EYS: variants seen among roughly 807,000 people sequenced by gnomAD.
EYS encodes the protein EGF-like photoreceptor maintenance factor, also known as protein eyes shut homolog.
A neutral mutation model predicts 282.1 loss-of-function variants in EYS; 250 were observed. The ratio of observed to expected loss-of-function variants is 0.89; its 90% CI spans 0.80 to 0.98. The LOEUF (loss-of-function observed/expected upper bound fraction) is 0.98. Among genes scored for constraint, EYS ranks in the 50% least tolerant of loss-of-function variants. The pLI is 0.00. For synonymous variants in EYS, 1,355 were observed against 1,282.9 expected (o/e 1.06, Z -1.20); for missense variants, 4,016 against 3,709.0 (o/e 1.08, Z -2.15).
intron 37 of EYS, among the ~76,000 whole-genome samples, chr6:63,803,467 A>C (rs1015461594): frequency 1.3e-5 from 2 of 152,178 alleles, no homozygotes; most frequent in Admixed American, 1.3e-4. Context: ...AGAACTTTGC[A>C]GCCAGCCAAA....
At chr6:64,407,605 A>G (rs1561977993) in intron 28 of EYS, among the ~76,000 whole-genome samples, 2 of 152,178 alleles carry the variant, frequency 1.3e-5, no homozygotes, top group South Asian at 4.1e-4. Context: ...TCAGTACTAT[A>G]CAAATATAAA....
At chr6:64,852,434 G>T (rs1297097877) in intron 19 of EYS, among the ~76,000 whole-genome samples, 1 of 152,094 alleles carries the variant, frequency 6.6e-6, no homozygotes, top group African/African-American at 2.4e-5. Context: ...AGGTTCTTCA[G>T]CTTTGGGACT....
chr6:64,662,239 G>C (rs1440397937), intron 22 of EYS, among the ~76,000 whole-genome samples: 6 of 114,360 alleles, frequency 5.2e-5, no homozygotes, highest in Non-Finnish European at 8.7e-5. Flanking sequence ...GTTGTGGGGT[G>C]GGGGGAGGGG....
chr6:64,333,141 T>C (rs1000873382), intron 29 of EYS, among the ~76,000 whole-genome samples: 1 of 151,570 alleles, frequency 6.6e-6, no homozygotes, highest in Non-Finnish European at 1.5e-5. Flanking sequence ...CAGTCTGTGA[T>C]CCTGGAAACA....
chr6:64,781,448 A>G (rs1773856741), intron 22 of EYS, among the ~76,000 whole-genome samples: 1 of 152,048 alleles, frequency 6.6e-6, no homozygotes, highest in Admixed American at 6.5e-5. Context: ...GCGGTGGCTC[A>G]CGCCTGTAAT....
At position 64,686,819 on chromosome 6, in the gene EYS, ATGTG is replaced by A. The variant is rs1469325598; in HGVS notation, c.3444-60578_3444-60575del. Among the ~76,000 whole-genome samples, 21 of 45,070 alleles carry A rather than the reference ATGTG, an allele frequency of 4.7e-4. 2 individuals are homozygous for A. Among genetic ancestry groups the A allele is most frequent in the African/African-American group, 1.5e-3 (21 of 14,134 alleles). 29.6% of individuals were successfully genotyped at this position (45,070 alleles called of 152,430 possible). A position where few individuals can be genotyped will look rare whatever the true frequency, so the allele number is the denominator to read the frequency against. On this transcript the variant is annotated intron_variant, in intron 22 of 42. Transcript: ENST00000503581. ...TATATATATATGTGTGTATATATATATGTGTATATATATATATACGTGTATATAT... is the reference window on the plus strand; with the variant it reads ...TATATATATATGTGTGTATATATATATATATATATATATACGTGTATATAT...
intron 8 of EYS, among the ~76,000 whole-genome samples, chr6:65,378,807 T>A (rs576304400): frequency 6.6e-6 from 1 of 152,160 alleles, no homozygotes; most frequent in African/African-American, 2.4e-5. Flanking sequence ...CACCACATGT[T>A]CTCACTCATA....
chr6:65,222,812 A>C (rs1054461954), intron 12 of EYS, among the ~76,000 whole-genome samples: 1 of 152,184 alleles, frequency 6.6e-6, no homozygotes, highest in Non-Finnish European at 1.5e-5. Flanking sequence ...TGGATTTGTC[A>C]GGAACGAGAA....
intron 22 of EYS, among the ~76,000 whole-genome samples, chr6:64,757,742 C>G (rs974412549): frequency 8.3e-3 from 529 of 63,848 alleles, no homozygotes; most frequent in Middle Eastern, 0.016. Context: ...TTCTTTTTTT[C>G]TTTGTGTGTG....
Position 64,545,281 on chromosome 6 carries a change from C to G in EYS, c.5644+44942G>C, listed in dbSNP as rs544564363. ...CCAACGACAAAAACCATACGATTAT[C>G]TCAATAGATGCAGAAAAGGCCTTTG... On this transcript the variant is annotated intron_variant, in intron 26 of 42. Transcript: ENST00000503581. Among the ~76,000 whole-genome samples the G allele has an allele frequency of 4.6e-5, 7 of 152,278 alleles. No individual in the cohort carries two copies. In the East Asian group the frequency reaches 1.4e-3, roughly 29 times the overall value.
chr6:64,757,866 G>A (rs1365859359), intron 22 of EYS, among the ~76,000 whole-genome samples: 4 of 151,554 alleles, frequency 2.6e-5, no homozygotes, highest in Non-Finnish European at 2.9e-5. Context: ...CTCACTGCAA[G>A]CTTCGCCTCC....
chr6:64,948,473 T>G (rs1208640273), intron 14 of EYS, among the ~76,000 whole-genome samples: 12 of 146,968 alleles, frequency 8.2e-5, no homozygotes, highest in Non-Finnish European at 1.4e-4. Flanking sequence ...AAATATTAAA[T>G]ATTAATAACT....
chr6:65,502,813 T>C (rs930716431), intron 2 of EYS, among the ~76,000 whole-genome samples: 5 of 151,614 alleles, frequency 3.3e-5, no homozygotes, highest in African/African-American at 1.2e-4. Flanking sequence ...TAATATGTAC[T>C]GGGGAGAAAG....
At chr6:65,696,865 G>C (rs6916913) in intron 1 of EYS, among the ~76,000 whole-genome samples, 1 of 151,922 alleles carries the variant, frequency 6.6e-6, no homozygotes, top group Admixed American at 6.6e-5. Context: ...AGTACTTAGA[G>C]TGTAGAATTC....
chr6:64,623,372 GCTTT>G (rs1295234940), intron 23 of EYS, among the ~76,000 whole-genome samples: 1 of 152,076 alleles, frequency 6.6e-6, no homozygotes, highest in Non-Finnish European at 1.5e-5. Flanking sequence ...GTGAATCTTA[GCTTT>G]GCCACTAACA....
chr6:65,244,429 C>G (rs1767128343), intron 12 of EYS, among the ~76,000 whole-genome samples: 1 of 152,090 alleles, frequency 6.6e-6, no homozygotes, highest in African/African-American at 2.4e-5. Context: ...TCCTATTGTT[C>G]TCTTATTCAA....
Position 64,239,756 on chromosome 6 carries a change from T to C in EYS, c.6192-8932A>G, listed in dbSNP as rs1766735318. 2.0e-5 allele frequency among the ~76,000 whole-genome samples: 3 copies of C among 152,190 alleles called. No homozygotes were observed. In the South Asian group the frequency reaches 6.2e-4, roughly 31 times the overall value. ...TTTGCTGTGCTGAAGCTCTTTAGTT[T>C]AATCAAATCCTGTTTGTCTATTTTA... is the stretch of plus-strand genomic sequence containing the variant. On this transcript the variant is annotated intron_variant, in intron 30 of 42. Coordinates refer to ENST00000503581, the MANE Select transcript of EYS (RefSeq NM_001142800.2).
At chr6:65,036,639 C>T (rs1298568545) in intron 13 of EYS, among the ~76,000 whole-genome samples, 2 of 150,526 alleles carry the variant, frequency 1.3e-5, no homozygotes, top group Non-Finnish European at 3.0e-5. Context: ...CAAAAAAACA[C>T]CATTGAAAAA....
chr6:65,481,459 T>C (rs748187756), intron 5 of EYS, among the ~76,000 whole-genome samples: 2 of 152,202 alleles, frequency 1.3e-5, no homozygotes, highest in Non-Finnish European at 2.9e-5. Flanking sequence ...GATCTCATAA[T>C]TATCAATAAT....
Sources: allele counts gnomAD v4.1 joint callset (sites outside exome capture counted in the v4.1 genomes callset), GRCh38; gene constraint gnomAD v4.1.1; transcripts MANE v1.5; gene names NCBI Gene and HGNC (gene_info 2026-07-23, HGNC 2026-07-21).